CEACAM3: variants seen among roughly 807,000 people sequenced by gnomAD.
The protein encoded by CEACAM3 is CEA cell adhesion molecule 3.
A neutral mutation model predicts 30.1 loss-of-function variants in CEACAM3; 32 were observed. The ratio of observed to expected loss-of-function variants is 1.06; its 90% CI spans 0.80 to 1.43. The LOEUF is 1.43. Among genes scored for constraint, CEACAM3 ranks in the 40% most tolerant of loss-of-function variants. The pLI, the probability that CEACAM3 is intolerant of heterozygous loss-of-function variation, is 0.00. For missense variants in CEACAM3, 290 were observed against 316.3 expected (o/e 0.92, Z 0.63); for synonymous variants, 134 against 127.2 (o/e 1.05, Z -0.36).
At position 41,797,864 on chromosome 19, in the gene CEACAM3, C is replaced by G. The variant is rs1555825456; in HGVS notation, c.340C>G (p.Gln114Glu). 1 of 1,613,902 alleles carries G rather than the reference C, an allele frequency of 6.2e-7. No individual in the cohort carries two copies. The highest frequency in any genetic ancestry group is 1.1e-5 in the South Asian group (1 of 91,084). The change falls in exon 2 of 7, where the codon CAG becomes GAG. Residue 114 changes from glutamine (Q) to glutamate (E), a missense_variant. Physicochemically the swap from Gln to Glu is conservative, Grantham distance 29. Transcript: ENST00000357396. ...ATCCCTGCTGATCCAGAATGTCACC[C>G]AGAATGACATAGGATTCTACACCCT... Reference protein sequence around the residue: ...NASLLIQNVTQNDIGFYTLQV... With the variant: ...NASLLIQNVTENDIGFYTLQV...
intron 2 of CEACAM3, among the ~76,000 whole-genome samples, chr19:41,800,966 C>T (rs2073141888): frequency 6.6e-6 from 1 of 151,894 alleles, no homozygotes; most frequent in Admixed American, 6.6e-5. Context: ...GGGGAGAGAC[C>T]CACCGACCCT....
chr19:41,808,818 A>C lies in CEACAM3; in HGVS notation c.430A>C (p.Asn144His), dbSNP rs782777893. 1 of 1,612,990 alleles carries C rather than the reference A, an allele frequency of 6.2e-7. No homozygotes were observed. Among genetic ancestry groups the C allele is most frequent in the Non-Finnish European group, 8.5e-7 (1 of 1,179,370 alleles). ...TTGCCTTCTTCTTTCTGCAGAAGAAAATGCCCCAGGCCTTCCTGTGGGGGC... is the reference window on the plus strand; with the variant it reads ...TTGCCTTCTTCTTTCTGCAGAAGAACATGCCCCAGGCCTTCCTGTGGGGGC... ...ATGQFHVYQENAPGLPVGAVA... is the reference protein window; with the variant it reads ...ATGQFHVYQEHAPGLPVGAVA... Residue 144 changes from asparagine to histidine, a missense_variant, in exon 3 of 7, where the codon AAT becomes CAT. Asn to His is a moderately conservative substitution (Grantham distance 68). Transcript: ENST00000357396.
intron 2 of CEACAM3, among the ~76,000 whole-genome samples, chr19:41,806,172 C>T (rs2073198138): frequency 6.6e-6 from 1 of 152,122 alleles, no homozygotes; most frequent in African/African-American, 2.4e-5. Flanking sequence ...GAATTACAGG[C>T]ATGCTCCACC....
At chr19:41,801,962 T>A (rs1301003636) in intron 2 of CEACAM3, among the ~76,000 whole-genome samples, 2 of 152,244 alleles carry the variant, frequency 1.3e-5, no homozygotes, top group Non-Finnish European at 2.9e-5. Context: ...AGGGAGGGAC[T>A]ATAATCATCC....
At position 41,810,013 on chromosome 19, in the gene CEACAM3, C is replaced by A. The variant is rs1277650557; in HGVS notation, c.591C>A (p.Ala197=). The A allele has an allele frequency of 6.2e-7, 1 of 1,613,750 alleles. No homozygotes were observed. The highest frequency in any genetic ancestry group is 8.5e-7 in the Non-Finnish European group (1 of 1,179,864). ...DLKEQQPQAL[A]PGRGPSHSSA... The stretch of plus-strand genomic sequence containing the variant: ...AGGAGCAGCAGCCCCAAGCCCTTGC[C>A]CCTGGTGAGTGTCCTCTCAGCCCAG... Residue 197 remains alanine (A), a synonymous_variant, in exon 4 of 7, where the codon GCC becomes GCA. Transcript: ENST00000357396.
intron 2 of CEACAM3, among the ~76,000 whole-genome samples, chr19:41,798,732 C>T (rs1160283589): frequency 6.6e-6 from 1 of 152,188 alleles, no homozygotes; most frequent in Non-Finnish European, 1.5e-5. Flanking sequence ...CTTTTGGAGG[C>T]AAATAAGCAT....
chr19:41,798,139 C>A (rs1555825534), intron 2 of CEACAM3, 191 bp downstream of exon 2: 1 of 977,220 alleles, frequency 1.0e-6, no homozygotes, highest in Non-Finnish European at 1.5e-6. Flanking sequence ...GCATCCAGAC[C>A]CTGCAGACAC....
chr19:41,796,751 G>T lies in CEACAM3; in HGVS notation c.64+10G>T. Reference sequence around the variant, plus strand: ...GGGCTTCTGCTCACAGGTGAGTGGAGGATTCCTGGGAGTGGGCAAGAGGAG... The same window carrying T: ...GGGCTTCTGCTCACAGGTGAGTGGATGATTCCTGGGAGTGGGCAAGAGGAG... On this transcript the variant is annotated intron_variant, in intron 1 of 6. Transcript: ENST00000357396. 2 of 1,609,422 alleles carry T rather than the reference G, an allele frequency of 1.2e-6. No individual in the cohort carries two copies. The highest frequency in any genetic ancestry group is 1.7e-6 in the Non-Finnish European group (2 of 1,177,858).
chr19:41,809,488 G>A (rs987851450), intron 3 of CEACAM3: 15 of 163,820 alleles, frequency 9.2e-5, no homozygotes, highest in Non-Finnish European at 1.3e-5. Flanking sequence ...CTCTTGCCAA[G>A]GGGTTGAGAG....
At chr19:41,802,741 ATTC>A (rs1158882414) in intron 2 of CEACAM3, among the ~76,000 whole-genome samples, 11 of 152,198 alleles carry the variant, frequency 7.2e-5, no homozygotes, top group Non-Finnish European at 1.5e-4. Context: ...CGTGAATTCT[ATTC>A]TTCTTAGCAA....
chr19:41,808,899 G>T lies in CEACAM3; in HGVS notation c.511G>T (p.Val171Leu), dbSNP rs539370737. 1 of 1,605,586 alleles carries T rather than the reference G, an allele frequency of 6.2e-7. No individual in the cohort carries two copies. The highest frequency in any genetic ancestry group is 1.1e-5 in the South Asian group (1 of 90,224). ...CGGAGTGGCGCTGGTGGCCGCGCTGGTGTGTTTCCTGCTCCTTGCCAAAAC... is the reference window on the plus strand; with the variant it reads ...CGGAGTGGCGCTGGTGGCCGCGCTGTTGTGTTTCCTGCTCCTTGCCAAAAC... ...LVGVALVAAL[V>L]CFLLLAKTGR... The change falls in exon 3 of 7, where the codon GTG becomes TTG. Residue 171 changes from valine (V) to leucine (L), a missense_variant. Physicochemically the swap from Val to Leu is conservative, Grantham distance 32. Transcript: ENST00000357396.
rs782126850 is a variant in CEACAM3, at chr19:41,811,245, C to A, written c.*8C>A. The A allele has an allele frequency of 6.2e-7, 1 of 1,612,466 alleles. No individual in the cohort carries two copies. The highest frequency in any genetic ancestry group is 1.3e-5 in the African/African-American group (1 of 74,864). On this transcript the variant is annotated 3_prime_UTR_variant, in exon 7 of 7. Coordinates refer to ENST00000357396, the MANE Select transcript of CEACAM3 (RefSeq NM_001815.5). ...GCAGAAGTGGCTTCTTAGCTTCCTC[C>A]AGGAGCTGCTCCTGTGTGTTGATGG...
chr19:41,809,045 G>A (rs1044683332), intron 3 of CEACAM3, 115 bp downstream of exon 3: 1 of 738,576 alleles, frequency 1.4e-6, no homozygotes, highest in Non-Finnish European at 2.2e-6. Flanking sequence ...CAAGTCCCCA[G>A]GGATCCTTCC....
At chr19:41,799,206 G>T (rs577693936) in intron 2 of CEACAM3, among the ~76,000 whole-genome samples, 6 of 152,292 alleles carry the variant, frequency 3.9e-5, no homozygotes, top group South Asian at 2.1e-4. Flanking sequence ...GGAGGCGATT[G>T]GATCATGGGG....
At chr19:41,799,210 C>T (rs1270533852) in intron 2 of CEACAM3, among the ~76,000 whole-genome samples, 1 of 152,180 alleles carries the variant, frequency 6.6e-6, no homozygotes, top group Non-Finnish European at 1.5e-5. Context: ...GCGATTGGAT[C>T]ATGGGGGGCT....
chr19:41,808,615 G>A (rs142565019), intron 2 of CEACAM3, among the ~76,000 whole-genome samples, 198 bp from the exon 3 acceptor site: 5 of 152,322 alleles, frequency 3.3e-5, no homozygotes, highest in South Asian at 2.1e-4. Context: ...AGTTGGTGCC[G>A]CCCAGTGTGT....
chr19:41,810,517 G>T (rs1426194024), intron 5 of CEACAM3, among the ~76,000 whole-genome samples, 163 bp downstream of exon 5: 1 of 151,870 alleles, frequency 6.6e-6, no homozygotes, highest in African/African-American at 2.4e-5. Flanking sequence ...TCCCTACAGG[G>T]TCAGGACCAC....
chr19:41,804,895 T>G (rs2073186136), intron 2 of CEACAM3, among the ~76,000 whole-genome samples: 1 of 152,106 alleles, frequency 6.6e-6, no homozygotes, highest in South Asian at 2.1e-4. Flanking sequence ...CCTGACAAAT[T>G]TTTAAGGGCA....
Position 41,796,694 on chromosome 19 carries a change from C to A in CEACAM3, c.17C>A (p.Ala6Asp), listed in dbSNP as rs782436703. Residue 6 changes from alanine to aspartate, a missense_variant, in exon 1 of 7, where the codon GCC becomes GAC. Ala to Asp is a moderately radical substitution (Grantham distance 126). Coordinates refer to ENST00000357396, the MANE Select transcript of CEACAM3 (RefSeq NM_001815.5). ...GCAGAGACCATGGGGCCCCCCTCAG[C>A]CTCTCCCCACAGAGAATGCATCCCC... The part of the protein sequence containing the change: MGPPS[A>D]SPHRECIPWQ... The A allele has an allele frequency of 1.9e-6, 3 of 1,613,968 alleles. No homozygotes were observed. The highest frequency in any genetic ancestry group is 1.1e-5 in the South Asian group (1 of 91,086).
Sources: allele counts gnomAD v4.1 joint callset (sites outside exome capture counted in the v4.1 genomes callset), GRCh38; gene constraint gnomAD v4.1.1; transcripts MANE v1.5; gene names NCBI Gene and HGNC (gene_info 2026-07-23, HGNC 2026-07-21).